CACNA1E: variants seen among roughly 807,000 people sequenced by gnomAD.
CACNA1E encodes voltage-dependent R-type calcium channel subunit alpha-1E.
In CACNA1E, 40 loss-of-function variants were observed where a neutral mutation model predicts 259.2. That is an observed-to-expected ratio of 0.15 (90% CI 0.12 to 0.20). The LOEUF (loss-of-function observed/expected upper bound fraction) is 0.20. Ranked by LOEUF, CACNA1E falls within the 10% of genes least tolerant of loss-of-function variation. The pLI, the probability that CACNA1E is intolerant of heterozygous loss-of-function variation, is 1.00. For missense variants in CACNA1E, 1,874 were observed against 3,040.1 expected, an observed-to-expected ratio of 0.62 and a Z score of 9.02; for synonymous variants, 1,104 against 1,138.5, an observed-to-expected ratio of 0.97 and a Z score of 0.61.
chr1:181,331,908 T>G (rs1387011028), intron 1 of CACNA1E, among the ~76,000 whole-genome samples: 1 of 152,256 alleles, frequency 6.6e-6, no homozygotes, highest in Non-Finnish European at 1.5e-5. Context: ...CAGTCTTATT[T>G]CTGGGTTCTC....
intron 7 of CACNA1E, among the ~76,000 whole-genome samples, chr1:181,708,444 G>A (rs568064593): frequency 1.1e-3 from 171 of 152,290 alleles, no homozygotes; most frequent in African/African-American, 4.1e-3. Context: ...AAATGGATAT[G>A]TTGGTCATAA....
At chr1:181,775,957 T>A (rs960228098) in intron 37 of CACNA1E, 144 bp from the exon 38 acceptor site, 3 of 723,170 alleles carry the variant, frequency 4.1e-6, no homozygotes, top group Non-Finnish European at 7.1e-6. Flanking sequence ...TCCTTGCAGA[T>A]CCCTGACTAT....
chr1:181,366,480 T>G (rs1654274186), intron 1 of CACNA1E, among the ~76,000 whole-genome samples: 1 of 152,208 alleles, frequency 6.6e-6, no homozygotes, highest in Admixed American at 6.5e-5. Context: ...CACTTTCCTC[T>G]GCTTTTCTCA....
rs151310553 is a variant in CACNA1E, at chr1:181,463,733, T to C, written c.435-20011T>C. Among the ~76,000 whole-genome samples the C allele has an allele frequency of 2.6e-5, 4 of 152,262 alleles. No individual in the cohort carries two copies. The East Asian group carries it at 7.7e-4, about 29-fold the overall frequency. On this transcript the variant is annotated intron_variant, in intron 2 of 11. Transcript: ENST00000524607. ...ATAGAATTCGTGAGTTGTCAGTATC[T>C]TCTCCCCCACATGACTTGTCTTTTT... is the stretch of plus-strand genomic sequence containing the variant.
chr1:181,734,626 C>T (rs1414880130), intron 21 of CACNA1E, among the ~76,000 whole-genome samples: 30 of 143,778 alleles, frequency 2.1e-4, no homozygotes, highest in Admixed American at 1.6e-3. Flanking sequence ...CCCATCCCTG[C>T]GCTGACCCCA....
intron 6 of CACNA1E, among the ~76,000 whole-genome samples, chr1:181,609,869 A>G (rs145253091): frequency 6.6e-6 from 1 of 152,336 alleles, no homozygotes; most frequent in African/African-American, 2.4e-5. Flanking sequence ...GGGCAAAACC[A>G]GGATGGTCAA....
At chr1:181,539,130 A>T (rs1668391303) in intron 3 of CACNA1E, among the ~76,000 whole-genome samples, 1 of 152,116 alleles carries the variant, frequency 6.6e-6, no homozygotes, top group Admixed American at 6.5e-5. Flanking sequence ...TCTGGCTGGT[A>T]TCTATTCAGC....
At chr1:181,733,842 C>T (rs1655771001) in intron 21 of CACNA1E, 92 bp downstream of exon 21, 1 of 929,660 alleles carries the variant, frequency 1.1e-6, no homozygotes, top group Non-Finnish European at 1.5e-6. Flanking sequence ...AAAGCACCAC[C>T]AGGAGGAGTA....
rs549485853 is a variant in CACNA1E at position 181,470,605 on chromosome 1, T to A, written c.435-13139T>A. On this transcript the variant is annotated intron_variant, in intron 2 of 11. Transcript: ENST00000524607. Reference sequence around the variant, plus strand: ...GAGGTATATAACCAAGGAGAGGACATTTGGGGACCTTCTATGATTGATTTT... The same window carrying A: ...GAGGTATATAACCAAGGAGAGGACAATTGGGGACCTTCTATGATTGATTTT... 2.6e-3 allele frequency among the ~76,000 whole-genome samples: 398 copies of A among 152,284 alleles called. 4 individuals carry two copies. Among genetic ancestry groups the A allele is most frequent in the African/African-American group, 8.8e-3 (365 of 41,554 alleles).
chr1:181,643,440 CGTAGTCCTAT>C (rs1335801318), intron 6 of CACNA1E, among the ~76,000 whole-genome samples: 1 of 152,238 alleles, frequency 6.6e-6, no homozygotes, highest in Non-Finnish European at 1.5e-5. Flanking sequence ...CGGCAGCCTT[CGTAGTCCTAT>C]GTGGCACCGC....
intron 33 of CACNA1E, among the ~76,000 whole-genome samples, 152 bp downstream of exon 33, chr1:181,762,809 C>T (rs1572832581): frequency 1.3e-5 from 2 of 152,322 alleles, no homozygotes; most frequent in East Asian, 1.9e-4. Context: ...TTGGCATCAG[C>T]CAGGGAATGC....
At chr1:181,763,917 C>CT (rs1446836172) in intron 34 of CACNA1E, among the ~76,000 whole-genome samples, 2 of 152,130 alleles carry the variant, frequency 1.3e-5, no homozygotes, top group African/African-American at 4.8e-5. Flanking sequence ...TTTTCAGGGA[C>CT]TTTGGGTGTT....
At chr1:181,374,576 T>C (rs2609496) in intron 1 of CACNA1E, among the ~76,000 whole-genome samples, 79,324 of 151,888 alleles carry the variant, frequency 0.52, 22,228 homozygotes, top group African/African-American at 0.74. Flanking sequence ...GATCCTCCCA[T>C]CTCAGCCTCC....
chr1:181,575,443 CTTAT>C (rs1650875660), intron 3 of CACNA1E, among the ~76,000 whole-genome samples: 1 of 152,136 alleles, frequency 6.6e-6, no homozygotes, highest in Admixed American at 6.5e-5. Flanking sequence ...CCCCCCAGTT[CTTAT>C]TTATTTCCTT....
chr1:181,374,165 T>G (rs560473390), intron 1 of CACNA1E, among the ~76,000 whole-genome samples: 1 of 152,348 alleles, frequency 6.6e-6, no homozygotes, highest in Admixed American at 6.5e-5. Flanking sequence ...TTCTTAACAC[T>G]GCTTTAGATG....
chr1:181,430,671 G>T (rs1659655248), intron 2 of CACNA1E, among the ~76,000 whole-genome samples: 1 of 152,132 alleles, frequency 6.6e-6, no homozygotes, highest in Non-Finnish European at 1.5e-5. Context: ...TTTTCCCCAG[G>T]CTGCTCTATT....
Position 181,716,210 on chromosome 1 carries a change from G to A in CACNA1E, c.1315+81G>A, listed in dbSNP as rs953091385. 1.3e-5 allele frequency: 11 copies of A among 877,192 alleles called. No individual in the cohort carries two copies. The Admixed American group carries it at 2.4e-4, about 19-fold the overall frequency. 54.3% of individuals were successfully genotyped at this position (877,192 alleles called of 1,614,324 possible). On this transcript the variant is annotated intron_variant, in intron 10 of 47. Coordinates refer to ENST00000367573, the MANE Select transcript of CACNA1E (RefSeq NM_001205293.3). ...TCCTGTCTTTTGAGAAGCACCACAA[G>A]GAGGGAAAGAATCCAAAGGGTCCAG...
At position 181,800,680 on chromosome 1, in the gene CACNA1E, G is replaced by T. The variant is rs1662206497; in HGVS notation, c.*1846G>T. On this transcript the variant is annotated 3_prime_UTR_variant, in exon 48 of 48. Coordinates refer to ENST00000367573, the MANE Select transcript of CACNA1E (RefSeq NM_001205293.3). Reference sequence around the variant, plus strand: ...CAGACACACTCCTCCTCTTGGGCAGGAGCAATCCAGAGTTGTTATTTTTCT... The same window carrying T: ...CAGACACACTCCTCCTCTTGGGCAGTAGCAATCCAGAGTTGTTATTTTTCT... 1 of 152,686 alleles carries T rather than the reference G, an allele frequency of 6.5e-6. No homozygotes were observed. The highest frequency in any genetic ancestry group is 2.4e-5 in the African/African-American group (1 of 41,468). 9.5% of individuals were successfully genotyped at this position (152,686 alleles called of 1,614,324 possible). A position where few individuals can be genotyped will look rare whatever the true frequency, so the allele number is the denominator to read the frequency against.
intron 7 of CACNA1E, among the ~76,000 whole-genome samples, chr1:181,692,859 C>G (rs1031393506): frequency 1.3e-5 from 2 of 152,008 alleles, no homozygotes; most frequent in African/African-American, 4.8e-5. Context: ...AAACAGACAA[C>G]CTACAGAATG....
Sources: gnomAD v4.1 joint callset for allele counts (sites outside exome capture counted in the v4.1 genomes callset) on GRCh38, gnomAD v4.1.1 for gene constraint, MANE v1.5 for transcripts, NCBI Gene and HGNC (gene_info 2026-07-23, HGNC 2026-07-21) for gene names.